CSMD1: variants seen among roughly 807,000 people sequenced by gnomAD.
The protein encoded by CSMD1 is CUB and sushi domain-containing protein 1.
Under a neutral mutation model 417.5 loss-of-function variants are expected in CSMD1, and 213 were observed. The ratio of observed to expected loss-of-function variants is 0.51; its 90% confidence interval spans 0.46 to 0.57. The LOEUF (loss-of-function observed/expected upper bound fraction) is 0.57, where lower values mean the gene tolerates loss of function less well. CSMD1 is among the 20% of genes least tolerant of loss of function. The pLI is 0.00. For missense variants in CSMD1, 6,923 were observed against 4,529.7 expected (o/e 1.53, Z -15.17); for synonymous variants, 2,862 against 1,736.8 (o/e 1.65, Z -16.11).
intron 5 of CSMD1, among the ~76,000 whole-genome samples, chr8:3,987,312 G>A (rs1294334614): frequency 2.0e-5 from 3 of 152,158 alleles, no homozygotes; most frequent in Non-Finnish European, 4.4e-5. Context: ...ACTGAGCAGT[G>A]CTTTCTTTCT....
Position 4,784,456 on chromosome 8 carries a change from A to C in CSMD1, c.86-146898T>G, listed in dbSNP as rs1175365683. On this transcript the variant is annotated intron_variant, in intron 1 of 69. Coordinates refer to ENST00000635120, the MANE Select transcript of CSMD1 (RefSeq NM_033225.6). ...AAAATTTTGAACCCGTGATTAAAATAACACTTGCATTGAAATTTTAACTGC... is the reference window on the plus strand; with the variant it reads ...AAAATTTTGAACCCGTGATTAAAATCACACTTGCATTGAAATTTTAACTGC... Among the ~76,000 whole-genome samples, 9 of 152,344 alleles carry C rather than the reference A, an allele frequency of 5.9e-5. 1 individual carries two copies. The highest frequency in any genetic ancestry group is 5.9e-4 in the Admixed American group (9 of 15,304).
chr8:4,707,594 A>G (rs1376447487), intron 1 of CSMD1, among the ~76,000 whole-genome samples: 4 of 152,090 alleles, frequency 2.6e-5, no homozygotes, highest in Non-Finnish European at 5.9e-5. Context: ...GAGCAACAAG[A>G]GAGGGGAAAG....
chr8:3,878,650 C>G (rs932979841), intron 5 of CSMD1, among the ~76,000 whole-genome samples: 12 of 152,146 alleles, frequency 7.9e-5, no homozygotes, highest in African/African-American at 2.9e-4. Flanking sequence ...CTCCAAAAGA[C>G]CCAAATAAGT....
chr8:3,747,526 G>C (rs1001303711), intron 6 of CSMD1, among the ~76,000 whole-genome samples: 1 of 151,040 alleles, frequency 6.6e-6, no homozygotes, highest in Admixed American at 6.6e-5. Flanking sequence ...AATATTGTAT[G>C]TGAGAGTCAT....
chr8:4,954,351 G>T (rs900213439), intron 1 of CSMD1, among the ~76,000 whole-genome samples: 3 of 152,066 alleles, frequency 2.0e-5, no homozygotes, highest in Non-Finnish European at 4.4e-5. Context: ...ATTTCCATTT[G>T]TAACTCTAAA....
chr8:4,601,389 C>T (rs886908064), intron 2 of CSMD1, among the ~76,000 whole-genome samples: 1 of 152,170 alleles, frequency 6.6e-6, no homozygotes, highest in Non-Finnish European at 1.5e-5. Context: ...ATGGCATTTG[C>T]ATAACTTGCA....
chr8:3,492,108 G>C (rs560603248), intron 11 of CSMD1, among the ~76,000 whole-genome samples: 3 of 152,190 alleles, frequency 2.0e-5, no homozygotes, highest in Non-Finnish European at 4.4e-5. Context: ...TCCAGCAAAG[G>C]CGTGTGTCTG....
At chr8:4,048,583 C>A (rs907677616) in intron 3 of CSMD1, among the ~76,000 whole-genome samples, 1 of 152,148 alleles carries the variant, frequency 6.6e-6, no homozygotes, top group African/African-American at 2.4e-5. Flanking sequence ...TGGTGTGGCT[C>A]CAGAGTTTGT....
chr8:4,084,778 G>A (rs1047240637), intron 3 of CSMD1, among the ~76,000 whole-genome samples: 1 of 140,336 alleles, frequency 7.1e-6, no homozygotes, highest in Non-Finnish European at 1.5e-5. Flanking sequence ...CTTTTATGTA[G>A]CATTTCCATT....
At chr8:3,869,040 C>A (rs568163837) in intron 5 of CSMD1, among the ~76,000 whole-genome samples, 1 of 152,324 alleles carries the variant, frequency 6.6e-6, no homozygotes, top group African/African-American at 2.4e-5. Flanking sequence ...ATTTACAGTG[C>A]CCTCAGGGTC....
chr8:4,036,334 A>C (rs1797615408), intron 3 of CSMD1, among the ~76,000 whole-genome samples: 1 of 144,048 alleles, frequency 6.9e-6, no homozygotes, highest in South Asian at 2.1e-4. Flanking sequence ...TAGTAAATTT[A>C]AAGAGGGACC....
At chr8:3,335,341 G>T (rs1302493089) in intron 23 of CSMD1, among the ~76,000 whole-genome samples, 1 of 152,134 alleles carries the variant, frequency 6.6e-6, no homozygotes, top group Admixed American at 6.5e-5. Flanking sequence ...CACAGCCAGT[G>T]GTGTGTGTCC....
intron 12 of CSMD1, among the ~76,000 whole-genome samples, chr8:3,416,557 G>A (rs999837545): frequency 6.6e-6 from 1 of 152,188 alleles, no homozygotes; most frequent in Admixed American, 6.5e-5. Context: ...TGTGCCGTCA[G>A]AAGCATAGTT....
At position 3,984,735 on chromosome 8, in the gene CSMD1, ATATATATATATATATATT is replaced by A. The variant is rs1383439803; in HGVS notation, c.818+13150_818+13167del. Among the ~76,000 whole-genome samples the A allele has an allele frequency of 7.1e-3, 762 of 107,620 alleles. 22 individuals are homozygous for A. The highest frequency in any genetic ancestry group is 9.8e-3 in the Non-Finnish European group (492 of 49,958). 70.6% of individuals were successfully genotyped at this position (107,620 alleles called of 152,430 possible). On this transcript the variant is annotated intron_variant, in intron 5 of 69. Coordinates refer to ENST00000635120, the MANE Select transcript of CSMD1 (RefSeq NM_033225.6). ...TATATATATATATATATATATATATATATATATATATATATATTTGTATGTATTTGTGCGTGTGTGTGT... is the reference window on the plus strand; with the variant it reads ...TATATATATATATATATATATATATATGTATGTATTTGTGCGTGTGTGTGT...
intron 3 of CSMD1, among the ~76,000 whole-genome samples, chr8:4,286,312 T>C (rs984135873): frequency 4.6e-5 from 7 of 152,188 alleles, no homozygotes; most frequent in Non-Finnish European, 8.8e-5. Flanking sequence ...CCGTTGTTCT[T>C]GTCACTTTGG....
chr8:3,446,847 C>A (rs894136146), intron 12 of CSMD1, among the ~76,000 whole-genome samples: 5 of 152,148 alleles, frequency 3.3e-5, no homozygotes, highest in African/African-American at 1.2e-4. Context: ...TGACTTCTAG[C>A]TGGTTTCATT....
intron 10 of CSMD1, among the ~76,000 whole-genome samples, chr8:3,524,150 C>T (rs981637296): frequency 6.6e-5 from 10 of 151,490 alleles, no homozygotes; most frequent in African/African-American, 2.4e-4. Flanking sequence ...CGCACATATG[C>T]ATGCACAGCC....
intron 2 of CSMD1, among the ~76,000 whole-genome samples, chr8:4,442,708 A>G (rs1164449706): frequency 1.3e-5 from 2 of 152,186 alleles, no homozygotes; most frequent in Non-Finnish European, 2.9e-5. Flanking sequence ...GTTCCCCGAA[A>G]TGTGTATTTG....
chr8:4,808,671 T>C (rs1308628121), intron 1 of CSMD1, among the ~76,000 whole-genome samples: 1 of 152,206 alleles, frequency 6.6e-6, no homozygotes, highest in Admixed American at 6.5e-5. Context: ...GTTTCAACCA[T>C]TTAGAACATA....
Sources: gnomAD v4.1 joint callset for allele counts (sites outside exome capture counted in the v4.1 genomes callset) on GRCh38, gnomAD v4.1.1 for gene constraint, MANE v1.5 for transcripts, NCBI Gene and HGNC (gene_info 2026-07-23, HGNC 2026-07-21) for gene names.